The following RABGAP1L variants were observed in gnomAD, a reference collection of about 807,000 sequenced individuals.
RABGAP1L encodes the protein RAB GTPase activating protein 1 like, also known as rab GTPase-activating protein 1-like.
RABGAP1L carries 63 observed loss-of-function variants against 137.7 expected under a neutral mutation model. The ratio of observed to expected loss-of-function variants is 0.46; its 90% CI spans 0.37 to 0.56. The LOEUF (loss-of-function observed/expected upper bound fraction) is 0.56, where lower values mean the gene tolerates loss of function less well. Ranked by LOEUF, RABGAP1L falls within the 20% of genes least tolerant of loss-of-function variation. The pLI, the probability that RABGAP1L is intolerant of heterozygous loss-of-function variation, is 0.00. For missense variants in RABGAP1L, 1,095 were observed against 1,244.0 expected (o/e 0.88, Z 1.80); for synonymous variants, 431 against 433.7 (o/e 0.99, Z 0.08).
At chr1:174,375,146 T>A (rs4651016) in intron 12 of RABGAP1L, among the ~76,000 whole-genome samples, 1 of 151,896 alleles carries the variant, frequency 6.6e-6, no homozygotes, top group Non-Finnish European at 1.5e-5. Context: ...TCATTACATT[T>A]TCTACATGGC....
intron 14 of RABGAP1L, among the ~76,000 whole-genome samples, chr1:174,657,286 G>C (rs1473227273): frequency 6.6e-6 from 1 of 152,000 alleles, no homozygotes; most frequent in African/African-American, 2.4e-5. Flanking sequence ...CCAGCTATTT[G>C]AAACTATTAT....
At chr1:174,705,520 T>C (rs1679982518) in intron 17 of RABGAP1L, 1 of 152,214 alleles carries the variant, frequency 6.6e-6, no homozygotes, top group Admixed American at 6.5e-5. Flanking sequence ...ACCTGTACTC[T>C]ATAGCTGTTT....
intron 19 of RABGAP1L, among the ~76,000 whole-genome samples, chr1:174,906,217 C>G (rs1157674524): frequency 6.7e-6 from 1 of 149,530 alleles, no homozygotes; most frequent in Non-Finnish European, 1.5e-5. Flanking sequence ...CGGGGTTTCA[C>G]CATGTTAGCC....
intron 15 of RABGAP1L, among the ~76,000 whole-genome samples, chr1:174,689,961 T>G (rs1362021416): frequency 6.6e-6 from 1 of 152,200 alleles, no homozygotes; most frequent in Non-Finnish European, 1.5e-5. Flanking sequence ...AGTCCTATAC[T>G]TCCAAATCAC....
chr1:174,315,088 G>A (rs1232405677), intron 11 of RABGAP1L, among the ~76,000 whole-genome samples: 1 of 151,954 alleles, frequency 6.6e-6, no homozygotes, highest in Non-Finnish European at 1.5e-5. Context: ...TCACAGTGGG[G>A]GTTTGAAGGT....
chr1:174,828,295 C>T (rs1454561675), intron 19 of RABGAP1L, among the ~76,000 whole-genome samples: 1 of 147,930 alleles, frequency 6.8e-6, no homozygotes, highest in South Asian at 2.2e-4. Context: ...CCTCTGCATG[C>T]GACCATTTGA....
intron 14 of RABGAP1L, among the ~76,000 whole-genome samples, chr1:174,662,704 T>G (rs1045895003): frequency 2.0e-5 from 3 of 152,170 alleles, no homozygotes; most frequent in African/African-American, 7.2e-5. Flanking sequence ...AAGAAGGCAT[T>G]TTTACCACTG....
At chr1:174,640,597 A>G (rs1387750535) in intron 14 of RABGAP1L, among the ~76,000 whole-genome samples, 1 of 151,984 alleles carries the variant, frequency 6.6e-6, no homozygotes, top group Non-Finnish European at 1.5e-5. Flanking sequence ...TATACCTCAC[A>G]CTCAGCCGTC....
intron 13 of RABGAP1L, among the ~76,000 whole-genome samples, chr1:174,403,267 T>C (rs1457136913): frequency 6.6e-6 from 1 of 150,458 alleles, no homozygotes; most frequent in Non-Finnish European, 1.5e-5. Context: ...GTGTATACCA[T>C]TTCTTTTCTT....
intron 13 of RABGAP1L, among the ~76,000 whole-genome samples, chr1:174,458,305 GA>G (rs1381233865): frequency 1.3e-5 from 2 of 151,084 alleles, no homozygotes; most frequent in Non-Finnish European, 3.0e-5. Context: ...TTACTTTACA[GA>G]AAAAAATTTT....
chr1:174,178,424 C>T (rs1290782691), intron 1 of RABGAP1L, among the ~76,000 whole-genome samples: 1 of 152,122 alleles, frequency 6.6e-6, no homozygotes, highest in Non-Finnish European at 1.5e-5. Context: ...GACAGTGTGT[C>T]AATTCCTGAA....
intron 12 of RABGAP1L, among the ~76,000 whole-genome samples, chr1:174,383,904 C>G (rs1315723363): frequency 6.6e-6 from 1 of 152,114 alleles, no homozygotes; most frequent in Admixed American, 6.5e-5. Flanking sequence ...AAATTGAAGA[C>G]CCTTCTTATA....
intron 11 of RABGAP1L, among the ~76,000 whole-genome samples, chr1:174,356,190 G>A (rs1454633193): frequency 1.3e-5 from 2 of 151,994 alleles, no homozygotes; most frequent in African/African-American, 4.8e-5. Context: ...CTTCCTACAG[G>A]TTTGCATGAT....
intron 17 of RABGAP1L, among the ~76,000 whole-genome samples, chr1:174,746,260 G>A (rs1356736293): frequency 1.3e-5 from 2 of 152,120 alleles, no homozygotes; most frequent in Non-Finnish European, 2.9e-5. Context: ...TTCAATTTGG[G>A]GCAATTACTT....
chr1:174,193,002 G>A (rs548205628), intron 1 of RABGAP1L, among the ~76,000 whole-genome samples: 1 of 152,114 alleles, frequency 6.6e-6, no homozygotes, highest in Non-Finnish European at 1.5e-5. Context: ...TCTTTTGAAC[G>A]TATTCCTTCA....
At chr1:174,431,094 C>A (rs1652578325) in intron 13 of RABGAP1L, among the ~76,000 whole-genome samples, 1 of 151,960 alleles carries the variant, frequency 6.6e-6, no homozygotes, top group Non-Finnish European at 1.5e-5. Flanking sequence ...TGAATGTGAA[C>A]CAACACTTCT....
At chr1:174,881,516 T>TTTA (rs1242077680) in intron 19 of RABGAP1L, among the ~76,000 whole-genome samples, 1 of 145,178 alleles carries the variant, frequency 6.9e-6, no homozygotes, top group Admixed American at 6.9e-5. Context: ...TTTTTTTTTT[T>TTTA]AAATATGGAG....
intron 13 of RABGAP1L, among the ~76,000 whole-genome samples, chr1:174,455,764 T>G (rs1655973131): frequency 6.6e-6 from 1 of 152,160 alleles, no homozygotes. Context: ...AGTTGAAATT[T>G]GGAAACACTT....
At chr1:174,303,561 A>T (rs938257403) in intron 10 of RABGAP1L, among the ~76,000 whole-genome samples, 1 of 152,218 alleles carries the variant, frequency 6.6e-6, no homozygotes, top group East Asian at 1.9e-4. Context: ...CATGTTGCTA[A>T]GCTGTAATGA....
Sources: gnomAD v4.1 joint callset for allele counts (sites outside exome capture counted in the v4.1 genomes callset) on GRCh38, gnomAD v4.1.1 for gene constraint, MANE v1.5 for transcripts, NCBI Gene and HGNC (gene_info 2026-07-23, HGNC 2026-07-21) for gene names.